Variants in HELQ observed in about 807,000 individuals in gnomAD.
HELQ encodes the protein helicase, POLQ like.
Under a neutral mutation model 111.6 loss-of-function variants are expected in HELQ, and 77 were observed. The ratio of observed to expected loss-of-function variants is 0.69; its 90% CI spans 0.57 to 0.83. The LOEUF (loss-of-function observed/expected upper bound fraction) is 0.83, where lower values mean the gene tolerates loss of function less well. HELQ is among the 40% of genes least tolerant of loss of function. The probability of loss-of-function intolerance (pLI) is 0.00; values close to 1 mark genes in which losing one functional copy is unlikely to be tolerated. For missense variants in HELQ, 1,200 were observed against 1,288.5 expected (o/e 0.93, Z 1.05); for synonymous variants, 438 against 454.7 (o/e 0.96, Z 0.47).
chr4:83,410,542 G>A lies in HELQ; in HGVS notation c.3199-2982C>T, dbSNP rs189837394. Among the ~76,000 whole-genome samples, 723 of 152,212 alleles carry A rather than the reference G, an allele frequency of 4.7e-3. 8 individuals carry two copies. The highest frequency in any genetic ancestry group is 0.017 in the African/African-American group (693 of 41,502). On this transcript the variant is annotated intron_variant, in intron 17 of 17. Transcript: ENST00000295488. ...ACAGAAATATATTAATAAACACAGG[G>A]ATGAGGTTTCTCATTATTGGAGAAA...
At chr4:83,407,815 G>A (rs538468055) in intron 17 of HELQ, among the ~76,000 whole-genome samples, 1 of 152,200 alleles carries the variant, frequency 6.6e-6, no homozygotes, top group African/African-American at 2.4e-5. Context: ...TTCTCCCAAA[G>A]ATTTGTTTTA....
At chr4:83,424,051 A>C (rs931719895) in intron 14 of HELQ, among the ~76,000 whole-genome samples, 2 of 152,242 alleles carry the variant, frequency 1.3e-5, no homozygotes, top group Non-Finnish European at 2.9e-5. Context: ...TTAAAAAATT[A>C]TACCTCCAAA....
Position 83,453,868 on chromosome 4 carries a change from G to A in HELQ, c.375C>T (p.Asp125=), listed in dbSNP as rs750292793. Residue 125 remains aspartate, a synonymous_variant, in exon 2 of 18, where the codon GAC becomes GAT. Transcript: ENST00000295488. ...TENSFIAQVD[D]LEQKYMQLPE... ...GGAGTTGCATATATTTTTGTTCCAG[G>A]TCGTCAACTTGAGCTATAAAGGAGT... The A allele has an allele frequency of 2.5e-6, 4 of 1,613,942 alleles. No individual in the cohort carries two copies. Among genetic ancestry groups the A allele is most frequent in the Non-Finnish European group, 3.4e-6 (4 of 1,179,900 alleles).
chr4:83,416,323 C>T (rs915487028), intron 17 of HELQ, among the ~76,000 whole-genome samples: 1 of 151,984 alleles, frequency 6.6e-6, no homozygotes, highest in East Asian at 1.9e-4. Context: ...TGGGCTCAAG[C>T]GATCCTCTTG....
At chr4:83,452,284 G>A (rs887345938) in intron 2 of HELQ, among the ~76,000 whole-genome samples, 3 of 151,312 alleles carry the variant, frequency 2.0e-5, no homozygotes, top group South Asian at 2.1e-4. Context: ...ATCAGCTATC[G>A]TGTTACTGTA....
At chr4:83,430,623 C>A (rs1720091544) in intron 11 of HELQ, among the ~76,000 whole-genome samples, 1 of 152,094 alleles carries the variant, frequency 6.6e-6, no homozygotes, top group South Asian at 2.1e-4. Flanking sequence ...TCTTACAATT[C>A]TGATGCTATT....
chr4:83,426,946 A>C (rs1458025783), intron 13 of HELQ, among the ~76,000 whole-genome samples: 3 of 152,250 alleles, frequency 2.0e-5, no homozygotes, highest in Non-Finnish European at 4.4e-5. Context: ...TATAATAAGT[A>C]TGGACAGTTC....
rs1161228127 is a variant in HELQ, at chr4:83,432,141, T to G, written c.2175A>C (p.Glu725Asp). 1 of 1,579,452 alleles carries G rather than the reference T, an allele frequency of 6.3e-7. No individual in the cohort carries two copies. Among genetic ancestry groups the G allele is most frequent in the Non-Finnish European group, 8.6e-7 (1 of 1,165,680 alleles). ...TGAGTATTACCTGTTGTTTGTCTTT[T>G]TCTTGCAATATGAGGATACTCTCCC... ...TIGESILILQ[E>D]KDKQQVLELI... The change falls in exon 10 of 18, where the codon GAA (glutamate) becomes GAC (aspartate). Residue 725 changes from glutamate to aspartate, a missense_variant. This residue lies in a region of HELQ where 585 missense variants were observed against 665.3 expected (regional missense o/e 0.88). Transcript: ENST00000295488.
intron 17 of HELQ, among the ~76,000 whole-genome samples, 180 bp downstream of exon 17, chr4:83,416,551 T>G (rs950119081): frequency 1.3e-5 from 2 of 152,164 alleles, no homozygotes; most frequent in Non-Finnish European, 1.5e-5. Flanking sequence ...CCTTTTTTTG[T>G]TTTGCAAGGC....
Position 83,453,867 on chromosome 4 carries a change from G to C in HELQ, c.376C>G (p.Leu126Val). The C allele has an allele frequency of 1.2e-6, 2 of 1,613,964 alleles. No individual in the cohort carries two copies. The highest frequency in any genetic ancestry group is 8.5e-7 in the Non-Finnish European group (1 of 1,179,890). ...GGGAGTTGCATATATTTTTGTTCCA[G>C]GTCGTCAACTTGAGCTATAAAGGAG... is the stretch of plus-strand genomic sequence containing the variant. ...ENSFIAQVDD[L>V]EQKYMQLPEH... Residue 126 changes from leucine (L) to valine (V), a missense_variant, in exon 2 of 18, where the codon CTG (leucine) becomes GTG (valine). By Grantham distance (32) the Leu-to-Val change is conservative. This residue lies in a region of HELQ where 610 missense variants were observed against 607.1 expected (regional missense o/e 1.00). Transcript: ENST00000295488.
chr4:83,418,072 G>C, intron 16 of HELQ, 21 bp downstream of exon 16: 1 of 1,328,820 alleles, frequency 7.5e-7, no homozygotes, highest in Non-Finnish European at 1.1e-6. Flanking sequence ...ATTTCAATTG[G>C]GAAACCAACA....
At chr4:83,451,401 G>C (rs1053879605) in intron 2 of HELQ, among the ~76,000 whole-genome samples, 1 of 152,084 alleles carries the variant, frequency 6.6e-6, no homozygotes, top group Admixed American at 6.5e-5. Flanking sequence ...GGTGGCTCAC[G>C]CCTGTAATCC....
chr4:83,443,904 G>T lies in HELQ; in HGVS notation c.1466-290C>A, dbSNP rs186472144. ...TACAAAAAAATTAAAAATTACCTGG[G>T]CATGGTAGTGCACGCCTGTAGTCCC... On this transcript the variant is annotated intron_variant, in intron 5 of 17. Transcript: ENST00000295488. 5.3e-5 allele frequency among the ~76,000 whole-genome samples: 8 copies of T among 152,120 alleles called. No homozygotes were observed. The East Asian group carries it at 1.4e-3, about 26-fold the overall frequency.
chr4:83,424,723 A>AATTTTTGT (rs1235360173), intron 14 of HELQ, among the ~76,000 whole-genome samples: 8 of 151,912 alleles, frequency 5.3e-5, no homozygotes, highest in African/African-American at 1.9e-4. Flanking sequence ...ACACATAGCT[A>AATTTTTGT]ATTTTTGTAT....
At chr4:83,431,142 C>T (rs190051558) in intron 11 of HELQ, among the ~76,000 whole-genome samples, 6 of 152,170 alleles carry the variant, frequency 3.9e-5, no homozygotes, top group Admixed American at 2.6e-4. Context: ...ACAGGCCAGG[C>T]GCAGTGGCTC....
At chr4:83,431,008 TG>T (rs1380079054) in intron 11 of HELQ, among the ~76,000 whole-genome samples, 1 of 152,186 alleles carries the variant, frequency 6.6e-6, no homozygotes, top group Non-Finnish European at 1.5e-5. Flanking sequence ...CCTCTGCTTC[TG>T]GCTTCTCAAA....
rs1721541480 is a variant in HELQ, at chr4:83,453,778, G to A, written c.465C>T (p.Asn155=). Residue 155 remains asparagine (N), a synonymous_variant, in exon 2 of 18, where the codon AAC becomes AAT. Coordinates refer to ENST00000295488, the MANE Select transcript of HELQ (RefSeq NM_133636.5). ...TENLCSESIK[N]KLSITTIGNL... Reference sequence around the variant, plus strand: ...TGCCTATGGTAGTAATGCTGAGTTTGTTTTTGATACTTTCCGAGCAAAGAT... The same window carrying A: ...TGCCTATGGTAGTAATGCTGAGTTTATTTTTGATACTTTCCGAGCAAAGAT... 6.2e-7 allele frequency: 1 copy of A among 1,614,112 alleles called. No individual in the cohort carries two copies. Among genetic ancestry groups the A allele is most frequent in the South Asian group, 1.1e-5 (1 of 91,084 alleles).
chr4:83,411,215 A>G (rs1560537663), intron 17 of HELQ, among the ~76,000 whole-genome samples: 1 of 151,636 alleles, frequency 6.6e-6, no homozygotes, highest in Non-Finnish European at 1.5e-5. Flanking sequence ...ATAGACAAAT[A>G]AGAAACTGCA....
chr4:83,431,583 CATAT>C (rs1720151515), intron 11 of HELQ, 77 bp downstream of exon 11: 4 of 527,358 alleles, frequency 7.6e-6, no homozygotes, highest in Middle Eastern at 5.1e-4. Flanking sequence ...TACACAGTTG[CATAT>C]ATAAAGTTAT....
Sources: gnomAD v4.1 joint callset for allele counts (sites outside exome capture counted in the v4.1 genomes callset) on GRCh38, gnomAD v4.1.1 for gene constraint, gnomAD v4.1.1 regional missense constraint, MANE v1.5 for transcripts, NCBI Gene and HGNC (gene_info 2026-07-23, HGNC 2026-07-21) for gene names.